WDR19: variants seen among roughly 807,000 people sequenced by gnomAD.
WDR19 encodes WD repeat domain 19.
In WDR19, 121 loss-of-function variants were observed where a neutral mutation model predicts 180.0. That is an observed-to-expected ratio of 0.67 (90% CI 0.58 to 0.78). The LOEUF is 0.78. Ranked by LOEUF, WDR19 falls within the 30% of genes least tolerant of loss-of-function variation. The pLI, the probability that WDR19 is intolerant of heterozygous loss-of-function variation, is 0.00. For missense variants in WDR19, 1,450 were observed against 1,640.7 expected, an observed-to-expected ratio of 0.88 and a Z score of 2.01; for synonymous variants, 497 against 540.7, an observed-to-expected ratio of 0.92 and a Z score of 1.12.
chr4:39,241,425 C>T (rs1010013206), intron 21 of WDR19, among the ~76,000 whole-genome samples: 1 of 142,022 alleles, frequency 7.0e-6, no homozygotes, highest in South Asian at 2.2e-4. Context: ...ACCCAGAAGG[C>T]GGAGGTTGCA....
intron 1 of WDR19, among the ~76,000 whole-genome samples, chr4:39,182,889 A>G (rs888936548): frequency 6.6e-6 from 1 of 152,160 alleles, no homozygotes; most frequent in East Asian, 1.9e-4. Context: ...TCGCACGCGG[A>G]AAGAACTGGT....
intron 14 of WDR19, among the ~76,000 whole-genome samples, chr4:39,219,864 C>A (rs961664179): frequency 1.3e-5 from 2 of 152,078 alleles, no homozygotes; most frequent in African/African-American, 4.8e-5. Flanking sequence ...GCATATCATG[C>A]CTGTTACCTT....
At chr4:39,268,151 C>A in intron 30 of WDR19, 60 bp downstream of exon 30, 1 of 1,443,974 alleles carries the variant, frequency 6.9e-7, no homozygotes, top group Non-Finnish European at 9.4e-7. Flanking sequence ...AGCCCCAGCC[C>A]CTTTTCTGTG....
rs778750936 is a variant in WDR19 at position 39,217,178 on chromosome 4, A to G, written c.1294A>G (p.Ser432Gly). ...TATGGAGTATCTGGGAACAGTAGCC[A>G]GTATTTGCCTTCATTCTGACTATGC... ...KDMEYLGTVA[S>G]ICLHSDYAAA... The change falls in exon 13 of 37, where the codon AGT becomes GGT. Residue 432 changes from serine (S) to glycine (G), a missense_variant. Coordinates refer to ENST00000399820, the MANE Select transcript of WDR19 (RefSeq NM_025132.4). 7.5e-6 allele frequency: 12 copies of G among 1,609,222 alleles called. No homozygotes were observed. Among genetic ancestry groups the G allele is most frequent in the Middle Eastern group, 1.7e-4 (1 of 6,052 alleles).
intron 31 of WDR19, among the ~76,000 whole-genome samples, chr4:39,271,726 A>G (rs1020747776): frequency 9.9e-5 from 15 of 152,120 alleles, no homozygotes; most frequent in Non-Finnish European, 1.9e-4. Flanking sequence ...TTAATGCTAA[A>G]TTGGTTCTCT....
In WDR19 at chr4:39,216,134, C is replaced by T. The variant is rs777985189; in HGVS notation, c.1173C>T (p.Asn391=). Residue 391 remains asparagine, a synonymous_variant, in exon 12 of 37, where the codon AAC becomes AAT. Transcript: ENST00000399820. ...CAGTTTCTGTTGATGTGGAACCCAA[C>T]TTTGTGGCAGTAGGTCTTTATCATC... The part of the protein sequence containing the change: ...PITVSVDVEP[N]FVAVGLYHLA... 1.8e-5 allele frequency: 29 copies of T among 1,594,374 alleles called. 1 individual carries two copies. Among genetic ancestry groups the T allele is most frequent in the Non-Finnish European group, 1.5e-5 (18 of 1,170,004 alleles).
chr4:39,267,712 G>A (rs1012917618), intron 29 of WDR19, among the ~76,000 whole-genome samples: 2 of 152,218 alleles, frequency 1.3e-5, no homozygotes, highest in African/African-American at 4.8e-5. Flanking sequence ...TGTTGTTTCA[G>A]CTTCTTATCT....
At chr4:39,205,381 A>C (rs368501016) in intron 8 of WDR19, 115 bp downstream of exon 8, 23 of 1,199,778 alleles carry the variant, frequency 1.9e-5, no homozygotes, top group East Asian at 1.8e-4. Flanking sequence ...TATACGTCAC[A>C]TTTTCTGATT....
intron 28 of WDR19, among the ~76,000 whole-genome samples, chr4:39,261,353 A>G (rs1464054236): frequency 6.6e-6 from 1 of 152,048 alleles, no homozygotes; most frequent in Non-Finnish European, 1.5e-5. Flanking sequence ...AGCCTGATCA[A>G]TCTATGATAA....
At chr4:39,255,719 A>G (rs1733679668) in intron 26 of WDR19, 129 bp from the exon 27 acceptor site, 2 of 484,384 alleles carry the variant, frequency 4.1e-6, no homozygotes, top group Non-Finnish European at 7.3e-6. Flanking sequence ...GAAAACAGAC[A>G]TTAATAATTA....
Position 39,278,424 on chromosome 4 carries a change from G to A in WDR19, c.3918-115G>A, listed in dbSNP as rs926507291. On this transcript the variant is annotated intron_variant, in intron 35 of 36. Coordinates refer to ENST00000399820, the MANE Select transcript of WDR19 (RefSeq NM_025132.4). Reference sequence around the variant, plus strand: ...ATAGTTCTGATTCTCAAATTGCATGGTGGACATGTGTTAAGAGGTGTAGAC... The same window carrying A: ...ATAGTTCTGATTCTCAAATTGCATGATGGACATGTGTTAAGAGGTGTAGAC... 3.6e-6 allele frequency: 3 copies of A among 834,108 alleles called. No individual in the cohort carries two copies. The African/African-American group carries it at 5.2e-5, about 14-fold the overall frequency. 51.7% of individuals were successfully genotyped at this position (834,108 alleles called of 1,614,324 possible).
chr4:39,251,835 G>A (rs372409511), intron 24 of WDR19, among the ~76,000 whole-genome samples: 178 of 152,000 alleles, frequency 1.2e-3, no homozygotes, highest in East Asian at 9.5e-3. Flanking sequence ...TTAGAATGGC[G>A]ATCATTAAAA....
At chr4:39,251,905 TGGTGGG>T (rs1363979287) in intron 24 of WDR19, among the ~76,000 whole-genome samples, 2 of 152,158 alleles carry the variant, frequency 1.3e-5, no homozygotes, top group Non-Finnish European at 2.9e-5. Flanking sequence ...TTTACACTGT[TGGTGGG>T]ACTGTAAACT....
chr4:39,197,442 A>G (rs13129322), intron 5 of WDR19, among the ~76,000 whole-genome samples: 73,095 of 145,348 alleles, frequency 0.5, 21,176 homozygotes, highest in Non-Finnish European at 0.63. Flanking sequence ...AAAAAAAAAA[A>G]AAAGAAAGAA....
intron 5 of WDR19, 128 bp downstream of exon 5, chr4:39,194,787 C>A: frequency 1.6e-6 from 1 of 634,002 alleles, no homozygotes; most frequent in Non-Finnish European, 2.8e-6. Context: ...CATGTCCCTC[C>A]GCAAGTCTTA....
intron 26 of WDR19, among the ~76,000 whole-genome samples, chr4:39,254,579 A>G (rs972309829): frequency 1.3e-4 from 20 of 152,160 alleles, no homozygotes; most frequent in African/African-American, 4.6e-4. Flanking sequence ...TCAGATTTTC[A>G]TTTCATGGAC....
chr4:39,218,007 C>G lies in WDR19; in HGVS notation c.1381C>G (p.Gln461Glu), dbSNP rs1729254613. The change falls in exon 14 of 37, where the codon CAA (glutamine) becomes GAA (glutamate). Residue 461 changes from glutamine to glutamate, a missense_variant. By Grantham distance (29) the Gln-to-Glu change is conservative. Coordinates refer to ENST00000399820, the MANE Select transcript of WDR19 (RefSeq NM_025132.4). ...GATAGAAAGCGAAATCTTGGATGCT[C>G]AAGAAGAACGTGAGACTCGGCTTTT... ...HLIESEILDA[Q>E]EERETRLFPA... is the part of the protein sequence containing the mutation. The G allele has an allele frequency of 1.2e-6, 2 of 1,613,634 alleles. No individual in the cohort carries two copies. Among genetic ancestry groups the G allele is most frequent in the African/African-American group, 1.3e-5 (1 of 74,892 alleles).
Position 39,277,107 on chromosome 4 carries a change from T to G in WDR19, c.3804T>G (p.Pro1268=). The part of the protein sequence containing the change: ...FLLPECELLC[P]GCKNSIPYCI... ...TCCCAGAGTGTGAACTCCTCTGTCC[T>G]GGATGTAAAAACAGTATCCCATATT... Residue 1268 remains proline (P), a synonymous_variant, in exon 34 of 37, where the codon CCT becomes CCG. Transcript: ENST00000399820. 1.2e-6 allele frequency: 2 copies of G among 1,613,370 alleles called. No individual in the cohort carries two copies. The highest frequency in any genetic ancestry group is 1.7e-6 in the Non-Finnish European group (2 of 1,179,608).
At chr4:39,264,970 T>C (rs1376662667) in intron 28 of WDR19, among the ~76,000 whole-genome samples, 2 of 148,360 alleles carry the variant, frequency 1.3e-5, no homozygotes, top group African/African-American at 5.0e-5. Flanking sequence ...CAGGCCGGAG[T>C]GCAGGGACGG....
Sources: allele counts gnomAD v4.1 joint callset (sites outside exome capture counted in the v4.1 genomes callset), GRCh38; gene constraint gnomAD v4.1.1; transcripts MANE v1.5; gene names NCBI Gene and HGNC (gene_info 2026-07-23, HGNC 2026-07-21).